PNPLA7: variants seen among roughly 807,000 people sequenced by gnomAD.
PNPLA7 encodes patatin-like phospholipase domain-containing protein 7.
A neutral mutation model predicts 161.7 loss-of-function variants in PNPLA7; 153 were observed. The observed-to-expected ratio is 0.95, with a 90% confidence interval of 0.83 to 1.08. The LOEUF (loss-of-function observed/expected upper bound fraction) is 1.08, where lower values mean the gene tolerates loss of function less well. Ranked by LOEUF, PNPLA7 falls within the 50% of genes least tolerant of loss-of-function variation. The probability of loss-of-function intolerance (pLI) is 0.00; values close to 1 mark genes in which losing one functional copy is unlikely to be tolerated. For missense variants in PNPLA7, 1,739 were observed against 1,856.6 expected, an observed-to-expected ratio of 0.94 and a Z score of 1.16; for synonymous variants, 809 against 782.1, an observed-to-expected ratio of 1.03 and a Z score of -0.57.
rs1262088624 is a variant in PNPLA7 at position 137,540,115 on chromosome 9, TC to T, written c.747+526del. Among the ~76,000 whole-genome samples, 3 of 152,174 alleles carry T rather than the reference TC, an allele frequency of 2.0e-5. No homozygotes were observed. The highest frequency in any genetic ancestry group is 4.4e-5 in the Non-Finnish European group (3 of 68,028). On this transcript the variant is annotated intron_variant, in intron 8 of 34. Transcript: ENST00000406427. This position sits in a 1 kb window ranked among gnomAD's most constrained non-coding sequence, Gnocchi z 5.1. ...CACCTTTCAAAATTACAAGTCTGCA[TC>T]CCTGGGACCCTGCAAGTCCACCCTA...
At position 137,490,695 on chromosome 9, in the gene PNPLA7, C is replaced by T. The variant is rs1012929871; in HGVS notation, c.2197+2318G>A. Among the ~76,000 whole-genome samples the T allele has an allele frequency of 2.6e-5, 4 of 152,142 alleles. No individual in the cohort carries two copies. The East Asian group carries it at 7.7e-4, about 29-fold the overall frequency. ...CCACAATTCTTCAACAGCAAGGAGA[C>T]GAGCCCAGAAGGAAACCTGAGATGC... is the stretch of plus-strand genomic sequence containing the variant. On this transcript the variant is annotated intron_variant, in intron 20 of 34. Coordinates refer to ENST00000406427, the MANE Select transcript of PNPLA7 (RefSeq NM_001098537.3). The surrounding 1 kb of genome is among the most constrained non-coding windows in gnomAD (Gnocchi z 4.1).
chr9:137,533,313 A>G (rs1421669610), intron 8 of PNPLA7, among the ~76,000 whole-genome samples: 1 of 131,152 alleles, frequency 7.6e-6, no homozygotes, highest in African/African-American at 3.0e-5. Context: ...AACAGTGTCC[A>G]CTCCAGACAG....
rs1362144555 is a variant in PNPLA7 at position 137,537,752 on chromosome 9, T to C, written c.747+2890A>G. Among the ~76,000 whole-genome samples, 1 of 151,998 alleles carries C rather than the reference T, an allele frequency of 6.6e-6. No individual in the cohort carries two copies. Among genetic ancestry groups the C allele is most frequent in the Non-Finnish European group, 1.5e-5 (1 of 68,008 alleles). On this transcript the variant is annotated intron_variant, in intron 8 of 34. Transcript: ENST00000406427. The surrounding 1 kb of genome is among the most constrained non-coding windows in gnomAD (Gnocchi z 4.5). ...AACCCGGCCCGTCTCAGCGCACAGC[T>C]CCCCTCTCCTGGAACAGGCATGGCT...
chr9:137,480,626 G>C, intron 22 of PNPLA7, 146 bp from the exon 23 acceptor site: 1 of 950,904 alleles, frequency 1.1e-6, no homozygotes, highest in Non-Finnish European at 1.5e-6. Flanking sequence ...TCGCTAGTTC[G>C]CAGTGAGTTA....
At chr9:137,488,935 G>T (rs1832634574) in intron 20 of PNPLA7, among the ~76,000 whole-genome samples, 2 of 124,232 alleles carry the variant, frequency 1.6e-5, no homozygotes, top group Non-Finnish European at 3.2e-5. Flanking sequence ...CCCCAACTGT[G>T]CACCCTCTGA....
intron 28 of PNPLA7, 65 bp downstream of exon 28, chr9:137,464,061 G>T: frequency 6.5e-7 from 1 of 1,548,584 alleles, no homozygotes; most frequent in Non-Finnish European, 8.8e-7. Context: ...CCCTGGGGCT[G>T]CTGAGCTCTC....
At chr9:137,548,858 C>T (rs1439973249) in intron 1 of PNPLA7, among the ~76,000 whole-genome samples, 1 of 152,200 alleles carries the variant, frequency 6.6e-6, no homozygotes, top group Admixed American at 6.5e-5. Flanking sequence ...GCCCTTCGAA[C>T]TTGGTTCAGA....
In PNPLA7 at chr9:137,543,141, A is replaced by C. The variant is rs893982774; in HGVS notation, c.506+291T>G. Among the ~76,000 whole-genome samples the C allele has an allele frequency of 6.6e-6, 1 of 152,218 alleles. No homozygotes were observed. The highest frequency in any genetic ancestry group is 6.5e-5 in the Admixed American group (1 of 15,284). On this transcript the variant is annotated intron_variant, in intron 6 of 34. Coordinates refer to ENST00000406427, the MANE Select transcript of PNPLA7 (RefSeq NM_001098537.3). This position sits in a 1 kb window ranked among gnomAD's most constrained non-coding sequence, Gnocchi z 6.9. Reference sequence around the variant, plus strand: ...GGGCCAGGCAGCAAGACAGGAGCACAGAGCAGAACCCAGGCTCCAGGCTTT... The same window carrying C: ...GGGCCAGGCAGCAAGACAGGAGCACCGAGCAGAACCCAGGCTCCAGGCTTT...
In PNPLA7 at chr9:137,486,312, C is replaced by T. The variant is rs969828269; in HGVS notation, c.2198-1576G>A. Among the ~76,000 whole-genome samples the T allele has an allele frequency of 2.0e-5, 3 of 152,158 alleles. No individual in the cohort carries two copies. Among genetic ancestry groups the T allele is most frequent in the South Asian group, 4.1e-4 (2 of 4,828 alleles). On this transcript the variant is annotated intron_variant, in intron 20 of 34. Transcript: ENST00000406427. The surrounding 1 kb of genome is among the most constrained non-coding windows in gnomAD (Gnocchi z 6.0). ...CACCTGCAAGATCCTGGGATGCACA[C>T]GGCGCCGTGGCAGCACTGCGGGTAA...
chr9:137,488,599 A>C (rs1269453274), intron 20 of PNPLA7, among the ~76,000 whole-genome samples: 1 of 152,140 alleles, frequency 6.6e-6, no homozygotes, highest in Non-Finnish European at 1.5e-5. Flanking sequence ...GCCAAGAAAG[A>C]AGCAGAGTCT....
At chr9:137,527,506 G>A (rs960119332) in intron 8 of PNPLA7, among the ~76,000 whole-genome samples, 7 of 152,102 alleles carry the variant, frequency 4.6e-5, no homozygotes, top group Non-Finnish European at 1.0e-4. Flanking sequence ...CATTTATTAA[G>A]GTAATCAGAT....
At chr9:137,522,405 T>G (rs920234782) in intron 9 of PNPLA7, among the ~76,000 whole-genome samples, 2 of 151,130 alleles carry the variant, frequency 1.3e-5, no homozygotes, top group African/African-American at 4.9e-5. Flanking sequence ...TGAGCCAGGA[T>G]GGTCTCGATC....
At chr9:137,515,035 G>C (rs1030513184) in intron 12 of PNPLA7, among the ~76,000 whole-genome samples, 19 of 152,288 alleles carry the variant, frequency 1.2e-4, no homozygotes, top group Admixed American at 7.2e-4. Context: ...GCTTGCTAGA[G>C]ACCCGGGACA....
intron 20 of PNPLA7, among the ~76,000 whole-genome samples, chr9:137,485,364 G>A (rs1261428841): frequency 7.3e-6 from 1 of 137,858 alleles, no homozygotes; most frequent in Non-Finnish European, 1.5e-5. Flanking sequence ...CCAGACAAAC[G>A]CTGCAGGTGA....
intron 32 of PNPLA7, 24 bp from the exon 33 acceptor site, chr9:137,461,644 C>T (rs761185746): frequency 5.1e-6 from 8 of 1,570,202 alleles, no homozygotes; most frequent in Admixed American, 3.5e-5. Context: ...GAGGACAGCA[C>T]GTTGCCTGTG....
chr9:137,476,627 G>C lies in PNPLA7; in HGVS notation c.2882+1407C>G, dbSNP rs1831952942. Among the ~76,000 whole-genome samples, 1 of 152,170 alleles carries C rather than the reference G, an allele frequency of 6.6e-6. No homozygotes were observed. The highest frequency in any genetic ancestry group is 2.1e-4 in the South Asian group (1 of 4,826). ...GATAACTCTGGAGGTGGTGCTGGAA[G>C]GAAGGCAAAGGACTGCAGTTACGTG... On this transcript the variant is annotated intron_variant, in intron 25 of 34. Coordinates refer to ENST00000406427, the MANE Select transcript of PNPLA7 (RefSeq NM_001098537.3). The surrounding 1 kb of genome is among the most constrained non-coding windows in gnomAD (Gnocchi z 4.5).
At position 137,479,247 on chromosome 9, in the gene PNPLA7, CAG is replaced by C; in HGVS notation, c.2581-11_2581-10del. ...TCCAGCATCCGCTCCAGCTGAAAGG[CAG>C]AGCCCACGTGTCTGCCAGCCGGGTG... On this transcript the variant is annotated splice_polypyrimidine_tract_variant and intron_variant, in intron 23 of 34. Coordinates refer to ENST00000406427, the MANE Select transcript of PNPLA7 (RefSeq NM_001098537.3). The C allele has an allele frequency of 6.6e-7, 1 of 1,521,420 alleles. No homozygotes were observed. The highest frequency in any genetic ancestry group is 8.9e-7 in the Non-Finnish European group (1 of 1,128,590). The allele number at this position is 1,521,420 out of a possible 1,614,324, so 94.2% of individuals were successfully genotyped here.
At chr9:137,514,290 G>A in intron 12 of PNPLA7, among the ~76,000 whole-genome samples, 1 of 146,746 alleles carries the variant, frequency 6.8e-6, no homozygotes, top group East Asian at 2.0e-4. Context: ...CGGGCCCTGT[G>A]GCCGGGCTGT....
chr9:137,480,202 A>G, intron 23 of PNPLA7, 110 bp downstream of exon 23: 1 of 1,406,178 alleles, frequency 7.1e-7, no homozygotes, highest in South Asian at 1.3e-5. Flanking sequence ...GTTGGCTCTT[A>G]TCATCTGTCT....
Sources: allele counts gnomAD v4.1 joint callset (sites outside exome capture counted in the v4.1 genomes callset), GRCh38; gene constraint gnomAD v4.1.1; non-coding constraint Gnocchi (gnomAD v3.1); transcripts MANE v1.5; gene names NCBI Gene and HGNC (gene_info 2026-07-23, HGNC 2026-07-21).